IRF5: variants seen among roughly 807,000 people sequenced by gnomAD.
IRF5 encodes the protein interferon regulatory factor 5.
Under a neutral mutation model 55.1 loss-of-function variants are expected in IRF5, and 24 were observed. The ratio of observed to expected loss-of-function variants is 0.44; its 90% confidence interval spans 0.32 to 0.61. IRF5 has a LOEUF of 0.61. Ranked by LOEUF, IRF5 falls within the 20% of genes least tolerant of loss-of-function variation. The probability of loss-of-function intolerance (pLI) is 0.07; values close to 1 mark genes in which losing one functional copy is unlikely to be tolerated. For missense variants in IRF5, 499 were observed against 658.5 expected (o/e 0.76, Z 2.65); for synonymous variants, 258 against 260.2 (o/e 0.99, Z 0.08).
rs756068460 is a variant in IRF5, at chr7:128,948,256, C to G, written c.1227C>G (p.Phe409Leu). Residue 409 changes from phenylalanine (F) to leucine (L), a missense_variant, in exon 8 of 9, where the codon TTC (phenylalanine) becomes TTG (leucine). This residue lies in a region of IRF5 where 194 missense variants were observed against 318.3 expected (regional missense o/e 0.61). Transcript: ENST00000357234. The surrounding 1 kb of genome is among the most constrained non-coding windows in gnomAD (Gnocchi z 4.6). The stretch of plus-strand genomic sequence containing the variant: ...GCCAGACCAACACCCCACCACCCTT[C>G]GAGATCTTCTTCTGCTTTGGGGAAG... ...QKGQTNTPPP[F>L]EIFFCFGEEW... is the part of the protein sequence containing the mutation. 1 of 1,613,744 alleles carries G rather than the reference C, an allele frequency of 6.2e-7. No individual in the cohort carries two copies. The highest frequency in any genetic ancestry group is 2.2e-5 in the East Asian group (1 of 44,886).
Position 128,943,707 on chromosome 7 carries a change from A to ATTTTTTTTTTTT in IRF5, c.195+1455_195+1466dup, listed in dbSNP as rs61451031. On this transcript the variant is annotated intron_variant, in intron 2 of 8. Transcript: ENST00000357234. ...AGGCACCTGCCACCATGCCCGGCTA[A>ATTTTTTTTTTTT]TTTTTTTTTTTTTTTTTTTTTTTTT... 8.8e-4 allele frequency among the ~76,000 whole-genome samples: 63 copies of ATTTTTTTTTTTT among 71,930 alleles called. 5 individuals carry two copies. The highest frequency in any genetic ancestry group is 2.5e-3 in the East Asian group (4 of 1,588). 47.2% of individuals were successfully genotyped at this position (71,930 alleles called of 152,430 possible). A position where few individuals can be genotyped will look rare whatever the true frequency, so the allele number is the denominator to read the frequency against.
chr7:128,948,935 T>G lies in IRF5; in HGVS notation c.*117T>G, dbSNP rs1477310786. 1 of 1,303,116 alleles carries G rather than the reference T, an allele frequency of 7.7e-7. No homozygotes were observed. The highest frequency in any genetic ancestry group is 1.0e-6 in the Non-Finnish European group (1 of 960,718). The allele number at this position is 1,303,116 out of a possible 1,614,324, so 80.7% of individuals were successfully genotyped here. A position where few individuals can be genotyped will look rare whatever the true frequency, so the allele number is the denominator to read the frequency against. On this transcript the variant is annotated 3_prime_UTR_variant, in exon 9 of 9. Coordinates refer to ENST00000357234, the MANE Select transcript of IRF5 (RefSeq NM_001098629.3). The surrounding 1 kb of genome is among the most constrained non-coding windows in gnomAD (Gnocchi z 4.6). Reference sequence around the variant, plus strand: ...TGCAGGGTCCTACCTCTGGGTTTCCTGGAAGTGGATTTGGGCCAAGAAGGA... The same window carrying G: ...TGCAGGGTCCTACCTCTGGGTTTCCGGGAAGTGGATTTGGGCCAAGAAGGA...
chr7:128,941,996 T>C (rs944369654), intron 1 of IRF5, 75 bp from the exon 2 acceptor site: 9 of 1,143,122 alleles, frequency 7.9e-6, no homozygotes, highest in Middle Eastern at 3.1e-4. Context: ...TTGTGGTCCA[T>C]AGCTTGACCT....
At chr7:128,939,610 G>A (rs894012318) in intron 1 of IRF5, among the ~76,000 whole-genome samples, 7 of 152,152 alleles carry the variant, frequency 4.6e-5, no homozygotes, top group Non-Finnish European at 1.0e-4. Context: ...TAGGACTGCT[G>A]TGGCACTTCC....
intron 1 of IRF5, among the ~76,000 whole-genome samples, chr7:128,941,088 A>AG: frequency 6.6e-6 from 1 of 152,136 alleles, no homozygotes; most frequent in Non-Finnish European, 1.5e-5. Flanking sequence ...AGGGGAGGAG[A>AG]GGGACAGAAG....
Position 128,947,168 on chromosome 7 carries a change from G to A in IRF5, c.482-62G>A, listed in dbSNP as rs1796349219. ...TAGGGTGGCCCAGGGCTGGGAGGAG[G>A]TGTGCCTGGGAGGCAGTTCGTGGAG... On this transcript the variant is annotated intron_variant, in intron 5 of 8. Coordinates refer to ENST00000357234, the MANE Select transcript of IRF5 (RefSeq NM_001098629.3). The surrounding 1 kb of genome is among the most constrained non-coding windows in gnomAD (Gnocchi z 6.5). 6.2e-7 allele frequency: 1 copy of A among 1,604,786 alleles called. No homozygotes were observed. The highest frequency in any genetic ancestry group is 1.3e-5 in the African/African-American group (1 of 74,766).
At position 128,946,839 on chromosome 7, in the gene IRF5, C is replaced by T; in HGVS notation, c.448-184C>T. 1 of 739,910 alleles carries T rather than the reference C, an allele frequency of 1.4e-6. No individual in the cohort carries two copies. Among genetic ancestry groups the T allele is most frequent in the Non-Finnish European group, 2.3e-6 (1 of 436,132 alleles). The allele number at this position is 739,910 out of a possible 1,614,324, so 45.8% of individuals were successfully genotyped here. ...CAAATGAGGAAAGTGAGGCAAAGGG[C>T]TTTTCTGACCTGCCTGGGATGGACG... On this transcript the variant is annotated intron_variant, in intron 4 of 8. Coordinates refer to ENST00000357234, the MANE Select transcript of IRF5 (RefSeq NM_001098629.3). The surrounding 1 kb of genome is among the most constrained non-coding windows in gnomAD (Gnocchi z 4.2).
In IRF5 at chr7:128,945,893, G is replaced by A. The variant is rs1378246188; in HGVS notation, c.244G>A (p.Asp82Asn). The A allele has an allele frequency of 2.5e-6, 4 of 1,613,262 alleles. No individual in the cohort carries two copies. Among genetic ancestry groups the A allele is most frequent in the East Asian group, 4.5e-5 (2 of 44,842 alleles). The change falls in exon 3 of 9, where the codon GAT becomes AAT. Residue 82 changes from aspartate to asparagine, a missense_variant. This residue lies in a region of IRF5 where 305 missense variants were observed against 340.2 expected (regional missense o/e 0.90). Transcript: ENST00000357234. Reference sequence around the variant, plus strand: ...ATACACCGAAGGCGTGGATGAAGCCGATCCGGCCAAGTGGAAGGCCAACCT... The same window carrying A: ...ATACACCGAAGGCGTGGATGAAGCCAATCCGGCCAAGTGGAAGGCCAACCT... ...GKYTEGVDEADPAKWKANLRC... is the reference protein window; with the variant it reads ...GKYTEGVDEANPAKWKANLRC...
rs1006004234 is a variant in IRF5 at position 128,948,469 on chromosome 7, G to A, written c.1300-104G>A. On this transcript the variant is annotated intron_variant, in intron 8 of 8. Transcript: ENST00000357234. The surrounding 1 kb of genome is among the most constrained non-coding windows in gnomAD (Gnocchi z 4.6). ...CAGAGACCATCAAGGCTCAGAGCCG[G>A]AGAATGCGGTCTATTACTCACCCCT... 5.3e-6 allele frequency: 8 copies of A among 1,520,680 alleles called. No individual in the cohort carries two copies. The African/African-American group carries it at 8.2e-5, about 16-fold the overall frequency. 94.2% of individuals were successfully genotyped at this position (1,520,680 alleles called of 1,614,324 possible).
rs781081333 is a variant in IRF5, at chr7:128,947,899, G to A, written c.958G>A (p.Asp320Asn). The change falls in exon 7 of 9, where the codon GAC becomes AAC. Residue 320 changes from aspartate (D) to asparagine (N), a missense_variant. By Grantham distance (23) the Asp-to-Asn change is conservative. This residue lies in a region of IRF5 where 194 missense variants were observed against 318.3 expected (regional missense o/e 0.61). Coordinates refer to ENST00000357234, the MANE Select transcript of IRF5 (RefSeq NM_001098629.3). The surrounding 1 kb of genome is among the most constrained non-coding windows in gnomAD (Gnocchi z 6.5). ...LEQVRFPSPE[D>N]IPSDKQRFYT... The stretch of plus-strand genomic sequence containing the variant: ...GCAAGTGCGCTTCCCCAGCCCTGAG[G>A]ACATCCCCAGTGACAAGCAGCGCTT... 3 of 1,614,008 alleles carry A rather than the reference G, an allele frequency of 1.9e-6. No individual in the cohort carries two copies. The African/African-American group carries it at 4.0e-5, about 22-fold the overall frequency.
In IRF5 at chr7:128,949,059, G is replaced by T; in HGVS notation, c.*241G>T. 3 of 548,360 alleles carry T rather than the reference G, an allele frequency of 5.5e-6. No individual in the cohort carries two copies. Among genetic ancestry groups the T allele is most frequent in the Non-Finnish European group, 9.8e-6 (3 of 307,078 alleles). 34.0% of individuals were successfully genotyped at this position (548,360 alleles called of 1,614,324 possible). A position where few individuals can be genotyped will look rare whatever the true frequency, so the allele number is the denominator to read the frequency against. On this transcript the variant is annotated 3_prime_UTR_variant, in exon 9 of 9. Transcript: ENST00000357234. ...CTCTCGGGAAATTCAGCCATGAGCA[G>T]GGAAAGAACTCTCCCAACCCTGGGG...
Position 128,948,199 on chromosome 7 carries a change from T to C in IRF5, c.1181-11T>C, listed in dbSNP as rs773551833. 6.2e-7 allele frequency: 1 copy of C among 1,612,050 alleles called. No individual in the cohort carries two copies. Among genetic ancestry groups the C allele is most frequent in the South Asian group, 1.1e-5 (1 of 90,798 alleles). Reference sequence around the variant, plus strand: ...TCCAGCCTCTGACTAGGGACCTTGATTTTGATGCAGAGCTCATCCTGTTCC... The same window carrying C: ...TCCAGCCTCTGACTAGGGACCTTGACTTTGATGCAGAGCTCATCCTGTTCC... On this transcript the variant is annotated splice_polypyrimidine_tract_variant and intron_variant, in intron 7 of 8. Coordinates refer to ENST00000357234, the MANE Select transcript of IRF5 (RefSeq NM_001098629.3). The surrounding 1 kb of genome is among the most constrained non-coding windows in gnomAD (Gnocchi z 4.6).
chr7:128,946,421 C>T lies in IRF5; in HGVS notation c.386-80C>T, dbSNP rs1796304997. The stretch of plus-strand genomic sequence containing the variant: ...GAAGGCAGAAGCTGCATAGGAGCTA[C>T]AGGCAGCCTCTCAGGGGATCTTGCT... On this transcript the variant is annotated intron_variant, in intron 3 of 8. Coordinates refer to ENST00000357234, the MANE Select transcript of IRF5 (RefSeq NM_001098629.3). This position sits in a 1 kb window ranked among gnomAD's most constrained non-coding sequence, Gnocchi z 4.2. The T allele has an allele frequency of 6.6e-7, 1 of 1,514,908 alleles. No homozygotes were observed. The highest frequency in any genetic ancestry group is 9.0e-7 in the Non-Finnish European group (1 of 1,116,488). The allele number at this position is 1,514,908 out of a possible 1,614,324, so 93.8% of individuals were successfully genotyped here.
In IRF5 at chr7:128,946,923, A is replaced by G. The variant is rs1796336221; in HGVS notation, c.448-100A>G. The G allele has an allele frequency of 4.8e-6, 7 of 1,458,018 alleles. No homozygotes were observed. The highest frequency in any genetic ancestry group is 6.7e-6 in the Non-Finnish European group (7 of 1,041,108). 90.3% of individuals were successfully genotyped at this position (1,458,018 alleles called of 1,614,324 possible). On this transcript the variant is annotated intron_variant, in intron 4 of 8. Transcript: ENST00000357234. This position sits in a 1 kb window ranked among gnomAD's most constrained non-coding sequence, Gnocchi z 4.2. ...AAACTGAGGCTAGGGGAGTTGCCTC[A>G]TAGTTCTCGCCTGTTATTTCCCCAG...
chr7:128,947,158 C>CTG lies in IRF5; in HGVS notation c.482-71_482-70dup. The CTG allele has an allele frequency of 6.2e-7, 1 of 1,607,324 alleles. No homozygotes were observed. Among genetic ancestry groups the CTG allele is most frequent in the Non-Finnish European group, 8.5e-7 (1 of 1,175,842 alleles). ...GATGGGAGGCTAGGGTGGCCCAGGG[C>CTG]TGGGAGGAGGTGTGCCTGGGAGGCA... On this transcript the variant is annotated intron_variant, in intron 5 of 8. Transcript: ENST00000357234. This position sits in a 1 kb window ranked among gnomAD's most constrained non-coding sequence, Gnocchi z 6.5.
In IRF5 at chr7:128,947,252, C is replaced by A. The variant is rs756219831; in HGVS notation, c.504C>A (p.His168Gln). Reference protein sequence around the residue: ...SLTDAVQSGPHMTPYSLLKED... With the variant: ...SLTDAVQSGPQMTPYSLLKED... Reference sequence around the variant, plus strand: ...TAGATGCAGTGCAGTCTGGCCCCCACATGACACCCTATTCTTTACTCAAAG... The same window carrying A: ...TAGATGCAGTGCAGTCTGGCCCCCAAATGACACCCTATTCTTTACTCAAAG... Residue 168 changes from histidine (H) to glutamine (Q), a missense_variant, in exon 6 of 9, where the codon CAC becomes CAA. Physicochemically the swap from His to Gln is conservative, Grantham distance 24. This residue lies in a region of IRF5 where 305 missense variants were observed against 340.2 expected (regional missense o/e 0.90). Coordinates refer to ENST00000357234, the MANE Select transcript of IRF5 (RefSeq NM_001098629.3). The surrounding 1 kb of genome is among the most constrained non-coding windows in gnomAD (Gnocchi z 6.5). 4 of 1,608,266 alleles carry A rather than the reference C, an allele frequency of 2.5e-6. No homozygotes were observed. Among genetic ancestry groups the A allele is most frequent in the Non-Finnish European group, 3.4e-6 (4 of 1,177,154 alleles).
chr7:128,944,298 A>G (rs1796191247), intron 2 of IRF5, among the ~76,000 whole-genome samples: 1 of 152,148 alleles, frequency 6.6e-6, no homozygotes, highest in African/African-American at 2.4e-5. Context: ...TAAAAACCAC[A>G]TTGTCATGTA....
At position 128,947,065 on chromosome 7, in the gene IRF5, G is replaced by A. The variant is rs753371056; in HGVS notation, c.481+9G>A. ...AAGCCTGAGCCTCACAGGTGGGGCC[G>A]GGAGGTGGTGGTTGGGGGTCTAGTA... On this transcript the variant is annotated intron_variant, in intron 5 of 8. Transcript: ENST00000357234. This position sits in a 1 kb window ranked among gnomAD's most constrained non-coding sequence, Gnocchi z 6.5. The A allele has an allele frequency of 3.7e-6, 6 of 1,614,118 alleles. No homozygotes were observed. Among genetic ancestry groups the A allele is most frequent in the Admixed American group, 1.7e-5 (1 of 60,016 alleles).
Position 128,945,817 on chromosome 7 carries a change from T to G in IRF5, c.196-28T>G. On this transcript the variant is annotated intron_variant, in intron 2 of 8. Transcript: ENST00000357234. Reference sequence around the variant, plus strand: ...GGGCTGTGGCAGGGATGAGGTTCTCTGTGGTCGGCTATTTCTTCCTGCCCC... The same window carrying G: ...GGGCTGTGGCAGGGATGAGGTTCTCGGTGGTCGGCTATTTCTTCCTGCCCC... The G allele has an allele frequency of 6.3e-6, 10 of 1,588,556 alleles. No homozygotes were observed. In the Admixed American group the frequency reaches 1.8e-4, roughly 28 times the overall value.
Sources: allele counts gnomAD v4.1 joint callset (sites outside exome capture counted in the v4.1 genomes callset), GRCh38; gene constraint gnomAD v4.1.1; regional missense constraint gnomAD v4.1.1; non-coding constraint Gnocchi (gnomAD v3.1); transcripts MANE v1.5; gene names NCBI Gene and HGNC (gene_info 2026-07-23, HGNC 2026-07-21).